NDUFC1: variants seen among roughly 807,000 people sequenced by gnomAD.
The protein encoded by NDUFC1 is NADH dehydrogenase [ubiquinone] 1 subunit C1, mitochondrial.
Under a neutral mutation model 11.6 loss-of-function variants are expected in NDUFC1, and 11 were observed. The ratio of observed to expected loss-of-function variants is 0.95; its 90% CI spans 0.60 to 1.58. The LOEUF (loss-of-function observed/expected upper bound fraction) is 1.58. Among genes scored for constraint, NDUFC1 ranks in the 40% most tolerant of loss-of-function variants. The pLI, the probability that NDUFC1 is intolerant of heterozygous loss-of-function variation, is 0.00. For synonymous variants in NDUFC1, 52 were observed against 42.2 expected, an observed-to-expected ratio of 1.23 and a Z score of -0.90; for missense variants, 112 against 93.0, an observed-to-expected ratio of 1.20 and a Z score of -0.84.
At chr4:139,299,617 TA>T (rs1421163372) in intron 1 of NDUFC1, among the ~76,000 whole-genome samples, 10 of 152,204 alleles carry the variant, frequency 6.6e-5, no homozygotes, top group East Asian at 1.9e-4. Flanking sequence ...AGTAAATATA[TA>T]TTTTTTTATT....
chr4:139,299,922 T>C (rs1471535599), intron 1 of NDUFC1, among the ~76,000 whole-genome samples: 1 of 152,220 alleles, frequency 6.6e-6, no homozygotes, highest in African/African-American at 2.4e-5. Context: ...GCAAATAGTA[T>C]TGCTGTAGGG....
chr4:139,295,629 A>G (rs749149333), intron 3 of NDUFC1, 103 bp downstream of exon 3: 5 of 1,312,844 alleles, frequency 3.8e-6, no homozygotes, highest in Non-Finnish European at 4.1e-6. Flanking sequence ...AGGTCACTGC[A>G]GGACGAACCC....
chr4:139,292,882 G>A (rs1327197746), intron 4 of NDUFC1, among the ~76,000 whole-genome samples: 2 of 151,776 alleles, frequency 1.3e-5, no homozygotes, highest in Non-Finnish European at 2.9e-5. Context: ...GTGGAATGGC[G>A]TGATCTTGGC....
In NDUFC1 at chr4:139,292,547, A is replaced by C. The variant is rs891122487; in HGVS notation, c.*3T>G. The C allele has an allele frequency of 6.5e-7, 1 of 1,533,084 alleles. No individual in the cohort carries two copies. The highest frequency in any genetic ancestry group is 1.7e-5 in the Admixed American group (1 of 57,168). The allele number at this position is 1,533,084 out of a possible 1,614,324, so 95.0% of individuals were successfully genotyped here. Reference sequence around the variant, plus strand: ...ATACTTACTACATTAGTGTTTCAAAAGTTTATTCCAGCCCATTTCTTCTTT... The same window carrying C: ...ATACTTACTACATTAGTGTTTCAAACGTTTATTCCAGCCCATTTCTTCTTT... On this transcript the variant is annotated 3_prime_UTR_variant, in exon 5 of 6. Coordinates refer to ENST00000394223, the MANE Select transcript of NDUFC1 (RefSeq NM_001184989.2).
chr4:139,301,759 A>G (rs1451158155), intron 1 of NDUFC1: 11 of 1,562,208 alleles, frequency 7.0e-6, no homozygotes, highest in Non-Finnish European at 9.5e-6. Flanking sequence ...TGGCGGGAGC[A>G]GCGGGAGCAG....
At chr4:139,296,704 G>A (rs1215181347) in intron 2 of NDUFC1, among the ~76,000 whole-genome samples, 1 of 152,166 alleles carries the variant, frequency 6.6e-6, no homozygotes, top group African/African-American at 2.4e-5. Context: ...ATCGTTCTGA[G>A]GAATAGGTTT....
Position 139,295,888 on chromosome 4 carries a change from A to C in NDUFC1, c.-90T>G. 1 of 1,350,808 alleles carries C rather than the reference A, an allele frequency of 7.4e-7. No homozygotes were observed. 83.7% of individuals were successfully genotyped at this position (1,350,808 alleles called of 1,614,324 possible). ...GTGCGGGACTCGAGGGCTCTGCAGCAGAGCTCCGTGGGGGCGTCAACGTGA... is the reference window on the plus strand; with the variant it reads ...GTGCGGGACTCGAGGGCTCTGCAGCCGAGCTCCGTGGGGGCGTCAACGTGA... On this transcript the variant is annotated 5_prime_UTR_variant, in exon 3 of 6. Transcript: ENST00000394223.
intron 1 of NDUFC1, among the ~76,000 whole-genome samples, chr4:139,300,326 T>G (rs1016202540): frequency 6.6e-6 from 1 of 152,142 alleles, no homozygotes; most frequent in Non-Finnish European, 1.5e-5. Context: ...CAAGTTTATA[T>G]TGGGAAACAT....
chr4:139,297,637 A>C lies in NDUFC1; in HGVS notation c.-221-194T>G, dbSNP rs545344435. Among the ~76,000 whole-genome samples, 23 of 152,328 alleles carry C rather than the reference A, an allele frequency of 1.5e-4. No homozygotes were observed. The South Asian group carries it at 4.6e-3, about 30-fold the overall frequency. ...CAAAGTTTCAGTCCAAGATTTTTCC[A>C]CTGGGAAAAAATCACATCTCCCAAG... On this transcript the variant is annotated intron_variant, in intron 1 of 5. Transcript: ENST00000394223.
At chr4:139,297,908 A>AT (rs1309877960) in intron 1 of NDUFC1, among the ~76,000 whole-genome samples, 1 of 152,102 alleles carries the variant, frequency 6.6e-6, no homozygotes, top group Non-Finnish European at 1.5e-5. Context: ...CTACAAAATG[A>AT]TTTTTTAAAA....
intron 4 of NDUFC1, among the ~76,000 whole-genome samples, chr4:139,293,420 G>A (rs543135840): frequency 6.6e-6 from 1 of 152,250 alleles, no homozygotes; most frequent in African/African-American, 2.4e-5. Flanking sequence ...GCTTATATAC[G>A]ATGACATTCA....
At chr4:139,298,062 C>T (rs1745538058) in intron 1 of NDUFC1, among the ~76,000 whole-genome samples, 1 of 150,642 alleles carries the variant, frequency 6.6e-6, no homozygotes, top group Admixed American at 6.6e-5. Context: ...CAGTGAGACC[C>T]TGTCACAAAA....
At chr4:139,301,660 G>C in intron 1 of NDUFC1, 1 of 1,209,318 alleles carries the variant, frequency 8.3e-7, no homozygotes. Flanking sequence ...GAGGCCTGGT[G>C]GTGGCGGCGG....
In NDUFC1 at chr4:139,302,056, C is replaced by G. The variant is rs569685312; in HGVS notation, c.-222+360G>C. On this transcript the variant is annotated intron_variant, in intron 1 of 5. Coordinates refer to ENST00000394223, the MANE Select transcript of NDUFC1 (RefSeq NM_001184989.2). Reference sequence around the variant, plus strand: ...TCATTCCATCCCCACGCTTGAGGCCCTGGTTCCGGACTAGGCCCCGACCTC... The same window carrying G: ...TCATTCCATCCCCACGCTTGAGGCCGTGGTTCCGGACTAGGCCCCGACCTC... 1.6e-5 allele frequency: 7 copies of G among 434,356 alleles called. No homozygotes were observed. In the East Asian group the frequency reaches 2.2e-4, roughly 13 times the overall value. The allele number at this position is 434,356 out of a possible 1,614,324, so 26.9% of individuals were successfully genotyped here.
At chr4:139,301,973 C>T (rs1745780856) in intron 1 of NDUFC1, 2 of 856,746 alleles carry the variant, frequency 2.3e-6, no homozygotes, top group Non-Finnish European at 3.5e-6. Context: ...GAATGCATTG[C>T]TTTGCTCCCT....
chr4:139,299,098 T>G (rs777523314), intron 1 of NDUFC1, among the ~76,000 whole-genome samples: 1 of 152,078 alleles, frequency 6.6e-6, no homozygotes, highest in Non-Finnish European at 1.5e-5. Context: ...GCCTCCTGGA[T>G]AGCTGGGGTT....
chr4:139,290,973 C>G (rs1745186546), intron 5 of NDUFC1, among the ~76,000 whole-genome samples: 1 of 151,470 alleles, frequency 6.6e-6, no homozygotes, highest in Admixed American at 6.6e-5. Context: ...CCATGCCTAG[C>G]TATTTTTTGT....
chr4:139,295,171 A>T, intron 3 of NDUFC1, 25 bp from the exon 4 acceptor site: 1 of 1,581,906 alleles, frequency 6.3e-7, no homozygotes, highest in African/African-American at 1.3e-5. Flanking sequence ...GGGTCTGTAA[A>T]TTTGTAACTT....
intron 5 of NDUFC1, among the ~76,000 whole-genome samples, chr4:139,291,441 A>G (rs1745213780): frequency 6.6e-6 from 1 of 151,896 alleles, no homozygotes; most frequent in Non-Finnish European, 1.5e-5. Context: ...TGGGCGTGGT[A>G]GCGCGCACCT....
Sources: allele counts gnomAD v4.1 joint callset (sites outside exome capture counted in the v4.1 genomes callset), GRCh38; gene constraint gnomAD v4.1.1; transcripts MANE v1.5; gene names NCBI Gene and HGNC (gene_info 2026-07-23, HGNC 2026-07-21).